Variants in USP34 observed in about 807,000 individuals in gnomAD.
USP34 encodes ubiquitin specific peptidase 34, also known as ubiquitin carboxyl-terminal hydrolase 34.
Under a neutral mutation model 460.3 loss-of-function variants are expected in USP34, and 70 were observed. The ratio of observed to expected loss-of-function variants is 0.15; its 90% CI spans 0.13 to 0.19. USP34 has a LOEUF of 0.19. USP34 is among the 10% of genes least tolerant of loss of function. The pLI is 1.00. For synonymous variants in USP34, 1,647 were observed against 1,405.3 expected, an observed-to-expected ratio of 1.17 and a Z score of -3.85; for missense variants, 3,985 against 4,236.2, an observed-to-expected ratio of 0.94 and a Z score of 1.65.
intron 19 of USP34, 71 bp downstream of exon 19, chr2:61,333,811 T>C (rs927143455): frequency 1.9e-5 from 21 of 1,087,960 alleles, no homozygotes; most frequent in Non-Finnish European, 2.4e-5. Flanking sequence ...TGTAGGTTAG[T>C]CAAAACCTTT....
intron 10 of USP34, among the ~76,000 whole-genome samples, chr2:61,368,482 A>G (rs1692509536): frequency 6.6e-6 from 1 of 152,162 alleles, no homozygotes; most frequent in Non-Finnish European, 1.5e-5. Context: ...ATTTCCAAAA[A>G]CAGATAGCTG....
intron 78 of USP34, 110 bp from the exon 79 acceptor site, chr2:61,189,179 G>A: frequency 1.7e-6 from 2 of 1,172,286 alleles, no homozygotes; most frequent in Non-Finnish European, 2.4e-6. Flanking sequence ...TCTTTCCTAA[G>A]AATACCCTGG....
chr2:61,278,091 G>A (rs1405548367), intron 41 of USP34, 74 bp downstream of exon 41: 16 of 1,550,752 alleles, frequency 1.0e-5, no homozygotes, highest in East Asian at 4.5e-5. Flanking sequence ...GTGTAAAAAC[G>A]GACTAATACA....
At chr2:61,234,861 C>A (rs2103841633) in intron 57 of USP34, among the ~76,000 whole-genome samples, 2 of 152,238 alleles carry the variant, frequency 1.3e-5, no homozygotes, top group South Asian at 2.1e-4. Flanking sequence ...GTCTTGAACT[C>A]CTGACCGCAA....
At chr2:61,371,619 A>T (rs1274104871) in intron 8 of USP34, among the ~76,000 whole-genome samples, 1 of 152,178 alleles carries the variant, frequency 6.6e-6, no homozygotes, top group Non-Finnish European at 1.5e-5. Context: ...GGTTAATTTA[A>T]TAGTGAAGAA....
chr2:61,451,554 T>C (rs1426160212), intron 1 of USP34, among the ~76,000 whole-genome samples: 1 of 151,820 alleles, frequency 6.6e-6, no homozygotes, highest in Non-Finnish European at 1.5e-5. Flanking sequence ...TGGTGGCACA[T>C]GCCTGCAATC....
Position 61,283,214 on chromosome 2 carries a change from C to T in USP34, c.4929G>A (p.Val1643=). Residue 1643 remains valine, a synonymous_variant, in exon 37 of 80, where the codon GTG becomes GTA. Transcript: ENST00000398571. ...LVSWAHCCSL[V]KSSLADSDHL... ...GATCGCTATCAGCAAGGCTAGATTT[C>T]ACTAAAGAACAGCAATGAGCCCAAC... 2.5e-6 allele frequency: 4 copies of T among 1,613,590 alleles called. No individual in the cohort carries two copies. Among genetic ancestry groups the T allele is most frequent in the Non-Finnish European group, 3.4e-6 (4 of 1,179,768 alleles).
intron 42 of USP34, 182 bp downstream of exon 42, chr2:61,265,802 A>G: frequency 1.4e-6 from 1 of 704,906 alleles, no homozygotes; most frequent in Non-Finnish European, 2.0e-6. Flanking sequence ...CGAAGTATTT[A>G]AAATGCATAT....
At chr2:61,412,295 A>C (rs1287520967) in intron 2 of USP34, among the ~76,000 whole-genome samples, 1 of 149,182 alleles carries the variant, frequency 6.7e-6, no homozygotes, top group Non-Finnish European at 1.5e-5. Context: ...GGAAAAAAAG[A>C]TTTTAGCTGT....
In USP34 at chr2:61,228,981, T is replaced by A. The variant is rs374264131; in HGVS notation, c.7214A>T (p.Asp2405Val). 2 of 1,587,986 alleles carry A rather than the reference T, an allele frequency of 1.3e-6. No individual in the cohort carries two copies. Among genetic ancestry groups the A allele is most frequent in the Non-Finnish European group, 8.6e-7 (1 of 1,167,694 alleles). The change falls in exon 60 of 80, where the codon GAT becomes GTT. Residue 2405 changes from aspartate to valine, a missense_variant. By Grantham distance (152) the Asp-to-Val change is radical. Around this residue, in one of 14 missense-constraint regions of USP34, gnomAD observed 604 missense variants for 684.8 expected, o/e 0.88. Coordinates refer to ENST00000398571, the MANE Select transcript of USP34 (RefSeq NM_014709.4). ...ACCACCAATATCTTCTACTGAGGTATCCATATCATCTGACCTAAGAGACAA... is the reference window on the plus strand; with the variant it reads ...ACCACCAATATCTTCTACTGAGGTAACCATATCATCTGACCTAAGAGACAA... Reference protein sequence around the residue: ...PGMEDGSDDMDTSVEDIGGRS... With the variant: ...PGMEDGSDDMVTSVEDIGGRS...
intron 75 of USP34, chr2:61,200,759 TCTCTACCAA>T (rs551051284): frequency 9.0e-4 from 137 of 152,446 alleles, no homozygotes; most frequent in African/African-American, 3.1e-3. Context: ...AAATTAAAAT[TCTCTACCAA>T]CTCTGTGTGG....
intron 1 of USP34, among the ~76,000 whole-genome samples, chr2:61,444,808 C>T (rs1573048733): frequency 6.6e-6 from 1 of 151,908 alleles, no homozygotes; most frequent in Admixed American, 6.6e-5. Flanking sequence ...GTCCACCGCA[C>T]GTGGAGACCT....
intron 2 of USP34, among the ~76,000 whole-genome samples, chr2:61,409,315 G>A (rs1693972202): frequency 6.6e-6 from 1 of 152,192 alleles, no homozygotes; most frequent in Non-Finnish European, 1.5e-5. Context: ...GGGAGGCTGA[G>A]GCAGGCAGAT....
In USP34 at chr2:61,301,101, C is replaced by T; in HGVS notation, c.3978G>A (p.Leu1326=). Residue 1326 remains leucine (L), a synonymous_variant, in exon 29 of 80, where the codon CTG becomes CTA. Transcript: ENST00000398571. ...GAGGGGGTGGGAGGCAAGATGCTGG[C>T]AGCTGAACACCTTCCCCTTTCCGCT... ...RRERKGEGVQ[L]PASCLPPPQK... The T allele has an allele frequency of 6.2e-7, 1 of 1,614,024 alleles. No homozygotes were observed. The highest frequency in any genetic ancestry group is 8.5e-7 in the Non-Finnish European group (1 of 1,179,994).
chr2:61,197,301 C>T (rs1168970556), intron 75 of USP34, among the ~76,000 whole-genome samples: 2 of 151,980 alleles, frequency 1.3e-5, no homozygotes, highest in East Asian at 1.9e-4. Flanking sequence ...AGGAAATGAA[C>T]ATTTTCTAGG....
intron 33 of USP34, among the ~76,000 whole-genome samples, chr2:61,289,540 T>C (rs1459915582): frequency 1.3e-5 from 2 of 152,126 alleles, no homozygotes; most frequent in East Asian, 1.9e-4. Context: ...TTCACAGCTT[T>C]TTCTTCAAAA....
chr2:61,226,463 ACTCT>A (rs879679451), intron 62 of USP34, among the ~76,000 whole-genome samples: 36 of 151,596 alleles, frequency 2.4e-4, no homozygotes, highest in East Asian at 1.9e-3. Flanking sequence ...ACACATACAC[ACTCT>A]CTCTCTCTGT....
At chr2:61,277,879 G>T in intron 41 of USP34, 1 of 314,932 alleles carries the variant, frequency 3.2e-6, no homozygotes, top group Non-Finnish European at 5.9e-6. Context: ...AGATCTGATG[G>T]TTTTATAAGG....
intron 3 of USP34, among the ~76,000 whole-genome samples, chr2:61,396,862 A>C (rs1693547298): frequency 6.6e-6 from 1 of 152,198 alleles, no homozygotes; most frequent in Non-Finnish European, 1.5e-5. Context: ...CTAAAATTAG[A>C]AAGTGATGAT....
Sources: gnomAD v4.1 joint callset for allele counts (sites outside exome capture counted in the v4.1 genomes callset) on GRCh38, gnomAD v4.1.1 for gene constraint, gnomAD v4.1.1 regional missense constraint, MANE v1.5 for transcripts, NCBI Gene and HGNC (gene_info 2026-07-23, HGNC 2026-07-21) for gene names.